APBA1: variants seen among roughly 807,000 people sequenced by gnomAD.
APBA1 encodes amyloid beta precursor protein binding family A member 1.
A neutral mutation model predicts 86.6 loss-of-function variants in APBA1; 55 were observed. That is an observed-to-expected ratio of 0.64 (90% CI 0.51 to 0.80). APBA1 has a LOEUF of 0.80. Among genes scored for constraint, APBA1 ranks in the 30% least tolerant of loss-of-function variants. APBA1 has a pLI of 0.00. For missense variants in APBA1, 1,090 were observed against 1,183.0 expected (o/e 0.92, Z 1.15); for synonymous variants, 511 against 493.9 (o/e 1.03, Z -0.46).
intron 2 of APBA1, among the ~76,000 whole-genome samples, chr9:69,512,099 GA>G (rs1414061596): frequency 4.8e-5 from 7 of 145,328 alleles, no homozygotes; most frequent in South Asian, 2.1e-4. Context: ...TAAATAAAAA[GA>G]AAAAAAGAAA....
intron 8 of APBA1, among the ~76,000 whole-genome samples, chr9:69,452,899 G>A (rs1374025444): frequency 6.6e-6 from 1 of 152,172 alleles, no homozygotes; most frequent in South Asian, 2.1e-4. Flanking sequence ...CAACCTGCAC[G>A]TGTGCTGTCA....
chr9:69,446,538 G>T (rs956429295), intron 10 of APBA1, among the ~76,000 whole-genome samples: 5 of 152,150 alleles, frequency 3.3e-5, no homozygotes, highest in Non-Finnish European at 5.9e-5. Context: ...TTCCCCTTAG[G>T]AAACTGTGCA....
At chr9:69,638,666 G>T (rs1227462696) in intron 1 of APBA1, among the ~76,000 whole-genome samples, 1 of 152,290 alleles carries the variant, frequency 6.6e-6, no homozygotes, top group Non-Finnish European at 1.5e-5. Context: ...AACCACTCAG[G>T]TATCAAGTCA....
chr9:69,525,677 C>T lies in APBA1; in HGVS notation c.-69-8398G>A, dbSNP rs535477286. Reference sequence around the variant, plus strand: ...GCAATTTACAGATTCAATGTTATTCCTATCAAACTACCAACATCATTTTTC... The same window carrying T: ...GCAATTTACAGATTCAATGTTATTCTTATCAAACTACCAACATCATTTTTC... On this transcript the variant is annotated intron_variant, in intron 1 of 12. Coordinates refer to ENST00000265381, the MANE Select transcript of APBA1 (RefSeq NM_001163.4). 2.6e-5 allele frequency among the ~76,000 whole-genome samples: 4 copies of T among 152,218 alleles called. No homozygotes were observed. The East Asian group carries it at 7.7e-4, about 29-fold the overall frequency.
chr9:69,443,763 C>T (rs1834862779), intron 10 of APBA1, among the ~76,000 whole-genome samples: 1 of 152,142 alleles, frequency 6.6e-6, no homozygotes, highest in African/African-American at 2.4e-5. Context: ...AAGATTCAAT[C>T]CTATGTCTGT....
intron 1 of APBA1, among the ~76,000 whole-genome samples, chr9:69,563,624 T>C (rs954787157): frequency 5.9e-5 from 9 of 152,206 alleles, no homozygotes; most frequent in African/African-American, 1.9e-4. Flanking sequence ...CATATTATTC[T>C]CAATGTACTG....
intron 3 of APBA1, among the ~76,000 whole-genome samples, chr9:69,472,196 T>TG (rs1835376885): frequency 6.6e-6 from 1 of 152,216 alleles, no homozygotes. Flanking sequence ...TTATTTTAGT[T>TG]GAAAAACTCC....
intron 10 of APBA1, among the ~76,000 whole-genome samples, chr9:69,443,927 C>T (rs1219052128): frequency 2.0e-5 from 3 of 152,134 alleles, no homozygotes; most frequent in African/African-American, 7.2e-5. Flanking sequence ...TGAATTGGGG[C>T]CATCTTTTTA....
chr9:69,550,363 TTCTC>T (rs1316321918), intron 1 of APBA1, among the ~76,000 whole-genome samples: 2 of 152,226 alleles, frequency 1.3e-5, no homozygotes, highest in Non-Finnish European at 2.9e-5. Flanking sequence ...CTCATCCTCT[TTCTC>T]AAATCAATTC....
At chr9:69,475,959 C>G in intron 3 of APBA1, 89 bp downstream of exon 3, 1 of 1,027,120 alleles carries the variant, frequency 9.7e-7, no homozygotes, top group Non-Finnish European at 1.5e-6. Context: ...GGGTCAGGAG[C>G]GCTGTAGGAT....
chr9:69,619,209 T>A (rs1235380060), intron 1 of APBA1, among the ~76,000 whole-genome samples: 1 of 152,054 alleles, frequency 6.6e-6, no homozygotes, highest in Non-Finnish European at 1.5e-5. Flanking sequence ...GAAACAGATA[T>A]CTTAAAAAGC....
intron 2 of APBA1, among the ~76,000 whole-genome samples, chr9:69,512,093 TAA>T (rs1346998855): frequency 6.7e-6 from 1 of 148,812 alleles, no homozygotes; most frequent in Non-Finnish European, 1.5e-5. Flanking sequence ...AATAAATAAA[TAA>T]AAAGAAAAAA....
At chr9:69,649,859 G>T (rs1033979760) in intron 1 of APBA1, among the ~76,000 whole-genome samples, 1 of 152,124 alleles carries the variant, frequency 6.6e-6, no homozygotes, top group African/African-American at 2.4e-5. Flanking sequence ...GGGGTAGGGT[G>T]GGGAAAGTAT....
chr9:69,541,586 G>A (rs1014788789), intron 1 of APBA1, among the ~76,000 whole-genome samples: 37 of 149,916 alleles, frequency 2.5e-4, no homozygotes, highest in African/African-American at 8.4e-4. Context: ...GGAGTTGTAG[G>A]TCAGTAAATA....
chr9:69,529,304 C>G (rs2133904294), intron 1 of APBA1, among the ~76,000 whole-genome samples: 1 of 152,170 alleles, frequency 6.6e-6, no homozygotes, highest in East Asian at 1.9e-4. Flanking sequence ...TCCCAAAGAA[C>G]AAAATCCACT....
intron 1 of APBA1, among the ~76,000 whole-genome samples, chr9:69,522,548 CA>C (rs1274857326): frequency 6.6e-6 from 1 of 152,100 alleles, no homozygotes; most frequent in Admixed American, 6.5e-5. Flanking sequence ...CTGTGCAAGG[CA>C]AAGGGGATGT....
intron 1 of APBA1, among the ~76,000 whole-genome samples, chr9:69,583,578 C>T (rs1344429181): frequency 2.0e-5 from 3 of 152,156 alleles, no homozygotes; most frequent in Non-Finnish European, 4.4e-5. Flanking sequence ...GTTATTAGAG[C>T]TAACTCAAGA....
chr9:69,458,858 G>A (rs1835144796), intron 5 of APBA1, among the ~76,000 whole-genome samples: 1 of 151,090 alleles, frequency 6.6e-6, no homozygotes. Context: ...CCAGGCTGGA[G>A]TGCAATGGCA....
intron 1 of APBA1, among the ~76,000 whole-genome samples, chr9:69,562,089 C>A (rs1836955247): frequency 6.6e-6 from 1 of 152,076 alleles, no homozygotes; most frequent in Non-Finnish European, 1.5e-5. Flanking sequence ...GGTGTACTCT[C>A]AAAGTAGGCC....
Sources: allele counts gnomAD v4.1 joint callset (sites outside exome capture counted in the v4.1 genomes callset), GRCh38; gene constraint gnomAD v4.1.1; transcripts MANE v1.5; gene names NCBI Gene and HGNC (gene_info 2026-07-23, HGNC 2026-07-21).